Variants in DDC observed in about 807,000 individuals in gnomAD.
The protein encoded by DDC is dopa decarboxylase, also known as aromatic-L-amino-acid decarboxylase.
In DDC, 43 loss-of-function variants were observed where a neutral mutation model predicts 60.0. The observed-to-expected ratio is 0.72, with a 90% CI of 0.56 to 0.92. DDC has a LOEUF of 0.92. DDC is among the 40% of genes least tolerant of loss of function. The pLI, the probability that DDC is intolerant of heterozygous loss-of-function variation, is 0.00. For synonymous variants in DDC, 232 were observed against 234.6 expected (o/e 0.99, Z 0.10); for missense variants, 573 against 620.2 (o/e 0.92, Z 0.81).
intron 6 of DDC, among the ~76,000 whole-genome samples, chr7:50,510,271 G>A (rs185686752): frequency 0.01 from 1,568 of 151,640 alleles, 25 homozygotes; most frequent in African/African-American, 0.036. Context: ...CACCGCACCT[G>A]GCCACTTATG....
chr7:50,520,544 G>A (rs1221315696), intron 6 of DDC, among the ~76,000 whole-genome samples: 1 of 152,158 alleles, frequency 6.6e-6, no homozygotes, highest in African/African-American at 2.4e-5. Context: ...AACTGAATGA[G>A]TACATTAGAA....
At chr7:50,488,273 T>A (rs902816800) in intron 9 of DDC, among the ~76,000 whole-genome samples, 4 of 151,050 alleles carry the variant, frequency 2.6e-5, no homozygotes, top group African/African-American at 9.7e-5. Flanking sequence ...ATTTCCAATT[T>A]AAAAAAAAAT....
At chr7:50,535,938 A>G (rs937864785) in intron 4 of DDC, among the ~76,000 whole-genome samples, 3 of 152,242 alleles carry the variant, frequency 2.0e-5, no homozygotes, top group African/African-American at 7.2e-5. Context: ...TGTGGTCACA[A>G]GGAGATGCGA....
At chr7:50,511,748 G>GA (rs2043587672) in intron 6 of DDC, among the ~76,000 whole-genome samples, 2 of 151,306 alleles carry the variant, frequency 1.3e-5, no homozygotes, top group Non-Finnish European at 2.9e-5. Flanking sequence ...AAAAGAAAAA[G>GA]AAAAAAAATT....
At chr7:50,534,855 C>G (rs2044343243) in intron 4 of DDC, among the ~76,000 whole-genome samples, 1 of 152,166 alleles carries the variant, frequency 6.6e-6, no homozygotes, top group Non-Finnish European at 1.5e-5. Flanking sequence ...GTTCCAGAGG[C>G]CAGAAAGCCA....
intron 11 of DDC, among the ~76,000 whole-genome samples, chr7:50,473,195 T>C (rs560274360): frequency 8.5e-5 from 13 of 152,236 alleles, no homozygotes; most frequent in African/African-American, 2.9e-4. Flanking sequence ...TGGAGAGGGT[T>C]CAGTAAGAGG....
In DDC at chr7:50,543,872, G is replaced by T; in HGVS notation, c.201+13C>A. The T allele has an allele frequency of 1.2e-6, 2 of 1,613,194 alleles. No homozygotes were observed. The highest frequency in any genetic ancestry group is 8.5e-7 in the Non-Finnish European group (1 of 1,179,302). On this transcript the variant is annotated intron_variant, in intron 2 of 14. Coordinates refer to ENST00000444124, the MANE Select transcript of DDC (RefSeq NM_001082971.2). The stretch of plus-strand genomic sequence containing the variant: ...CTAGCCCTCCTGTTTTCTGACCTTG[G>T]ATACACACTTACCCCAGGCATGATT...
chr7:50,494,763 G>A (rs1272165377), intron 9 of DDC, among the ~76,000 whole-genome samples: 2 of 151,950 alleles, frequency 1.3e-5, no homozygotes, highest in African/African-American at 4.8e-5. Context: ...CCAGGTTCAA[G>A]CGATTCTCCT....
chr7:50,559,750 C>A (rs2045296644), intron 1 of DDC, among the ~76,000 whole-genome samples: 1 of 152,176 alleles, frequency 6.6e-6, no homozygotes, highest in Non-Finnish European at 1.5e-5. Flanking sequence ...TTTTAAAATA[C>A]CCGCATAGTG....
chr7:50,459,967 T>C (rs1295568191), intron 14 of DDC, among the ~76,000 whole-genome samples: 13 of 123,824 alleles, frequency 1.0e-4, no homozygotes, highest in South Asian at 2.7e-4. Context: ...CCGCCCCATC[T>C]GGGAGGTGAG....
At chr7:50,513,141 C>T (rs181383984) in intron 6 of DDC, among the ~76,000 whole-genome samples, 1 of 152,304 alleles carries the variant, frequency 6.6e-6, no homozygotes, top group African/African-American at 2.4e-5. Flanking sequence ...TCAGGAGGCA[C>T]CCTAAGTACT....
chr7:50,493,101 C>T lies in DDC; in HGVS notation c.944+2249G>A. The T allele has an allele frequency of 4.0e-6, 4 of 1,002,856 alleles. No homozygotes were observed. The South Asian group carries it at 4.1e-5, about 10-fold the overall frequency. 62.1% of individuals were successfully genotyped at this position (1,002,856 alleles called of 1,614,324 possible). A position where few individuals can be genotyped will look rare whatever the true frequency, so the allele number is the denominator to read the frequency against. On this transcript the variant is annotated intron_variant, in intron 9 of 14. Transcript: ENST00000444124. The stretch of plus-strand genomic sequence containing the variant: ...ACCCAAAATATTTCTGGTCCCTGAC[C>T]GCTTCAGTTTCCTCATCTGTAAAGA...
chr7:50,465,394 A>G (rs11982776), intron 13 of DDC, among the ~76,000 whole-genome samples: 7,932 of 152,154 alleles, frequency 0.052, 477 homozygotes, highest in African/African-American at 0.15. Context: ...TTTTTGAGAC[A>G]GAGTCTTGCT....
chr7:50,547,043 G>T (rs539346743), intron 1 of DDC, among the ~76,000 whole-genome samples: 27 of 152,052 alleles, frequency 1.8e-4, no homozygotes, highest in African/African-American at 6.0e-4. Flanking sequence ...TTTTAATTTT[G>T]CACATACAGT....
intron 6 of DDC, among the ~76,000 whole-genome samples, chr7:50,509,869 A>C (rs929966444): frequency 7.9e-5 from 12 of 152,032 alleles, no homozygotes; most frequent in Non-Finnish European, 1.6e-4. Context: ...GGGAAAAAAA[A>C]CCCATCTCTT....
chr7:50,502,313 G>T (rs770267025), intron 7 of DDC, among the ~76,000 whole-genome samples: 2 of 152,164 alleles, frequency 1.3e-5, no homozygotes, highest in Non-Finnish European at 2.9e-5. Flanking sequence ...ACTGTGACTG[G>T]CAGGTGACAC....
intron 5 of DDC, 30 bp from the exon 6 acceptor site, chr7:50,528,310 T>C: frequency 6.2e-7 from 1 of 1,613,716 alleles, no homozygotes; most frequent in South Asian, 1.1e-5. Context: ...GTTGGATTTG[T>C]ACAGGTGTGT....
At chr7:50,520,974 T>A (rs1585223907) in intron 6 of DDC, among the ~76,000 whole-genome samples, 1 of 150,776 alleles carries the variant, frequency 6.6e-6, no homozygotes, top group East Asian at 1.9e-4. Flanking sequence ...AGAAAAGAAA[T>A]AATAAGAATT....
intron 6 of DDC, among the ~76,000 whole-genome samples, chr7:50,509,234 G>A (rs1206854504): frequency 1.3e-5 from 2 of 152,042 alleles, no homozygotes; most frequent in Non-Finnish European, 2.9e-5. Context: ...TCTCTGATCC[G>A]ATACCTACAA....
Sources: allele counts gnomAD v4.1 joint callset (sites outside exome capture counted in the v4.1 genomes callset), GRCh38; gene constraint gnomAD v4.1.1; transcripts MANE v1.5; gene names NCBI Gene and HGNC (gene_info 2026-07-23, HGNC 2026-07-21).